CNOT2: variants seen among roughly 807,000 people sequenced by gnomAD.
CNOT2 encodes the protein CC chemokine receptor 4-negative regulator of transcription 2.
In CNOT2, 7 loss-of-function variants were observed where a neutral mutation model predicts 72.1. The ratio of observed to expected loss-of-function variants is 0.10; its 90% CI spans 0.06 to 0.18. CNOT2 has a LOEUF of 0.18. Ranked by LOEUF, CNOT2 falls within the 10% of genes least tolerant of loss-of-function variation. CNOT2 has a pLI of 1.00. For missense variants in CNOT2, 345 were observed against 660.3 expected (o/e 0.52, Z 5.23); for synonymous variants, 196 against 225.6 (o/e 0.87, Z 1.17).
chr12:70,310,249 G>T (rs1003075177), intron 2 of CNOT2, among the ~76,000 whole-genome samples: 3 of 151,984 alleles, frequency 2.0e-5, no homozygotes, highest in African/African-American at 7.2e-5. Context: ...ATTTATGTTG[G>T]TGTGAGCTCA....
In CNOT2 at chr12:70,249,206, T is replaced by A. The variant is rs143812656; in HGVS notation, c.-96+5726T>A. 4.3e-3 allele frequency among the ~76,000 whole-genome samples: 658 copies of A among 152,098 alleles called. 1 individual carries two copies. Among genetic ancestry groups the A allele is most frequent in the African/African-American group, 0.015 (629 of 41,536 alleles). The stretch of plus-strand genomic sequence containing the variant: ...TCTACATTGTAAATTATAATGCCTA[T>A]CCTGCATACAAATTTTGTATTTAGT... On this transcript the variant is annotated intron_variant, in intron 1 of 15. Transcript: ENST00000229195.
intron 4 of CNOT2, chr12:70,322,611 C>G (rs1432024920): frequency 6.6e-6 from 1 of 151,686 alleles, no homozygotes; most frequent in Non-Finnish European, 1.5e-5. Context: ...ACCCAGGCAT[C>G]TAGATGGAAG....
At chr12:70,260,848 A>G (rs1048808230) in intron 1 of CNOT2, among the ~76,000 whole-genome samples, 1 of 135,612 alleles carries the variant, frequency 7.4e-6, no homozygotes, top group Non-Finnish European at 1.6e-5. Flanking sequence ...ATCCAGATGC[A>G]TTCTATTTTT....
At chr12:70,302,795 T>C (rs1874321544) in intron 2 of CNOT2, among the ~76,000 whole-genome samples, 1 of 152,192 alleles carries the variant, frequency 6.6e-6, no homozygotes, top group African/African-American at 2.4e-5. Flanking sequence ...CTCGTTGATC[T>C]GTCTAATGTT....
Position 70,304,382 on chromosome 12 carries a change from T to A in CNOT2, c.49-6513T>A, listed in dbSNP as rs181898850. ...TGGTGACGTACAGGTGGGTTTTTGG[T>A]GTGGATGTCCTTTCTGTTTGTTAGT... On this transcript the variant is annotated intron_variant, in intron 2 of 15. Transcript: ENST00000229195. Among the ~76,000 whole-genome samples, 35 of 152,320 alleles carry A rather than the reference T, an allele frequency of 2.3e-4. No individual in the cohort carries two copies. In the East Asian group the frequency reaches 5.8e-3, roughly 25 times the overall value.
chr12:70,324,957 T>C (rs1878857026), intron 4 of CNOT2, among the ~76,000 whole-genome samples: 1 of 151,808 alleles, frequency 6.6e-6, no homozygotes, highest in Non-Finnish European at 1.5e-5. Flanking sequence ...TCCAGGAAAA[T>C]TTTTCTGCTT....
intron 3 of CNOT2, among the ~76,000 whole-genome samples, chr12:70,311,619 C>T (rs1876474935): frequency 6.6e-6 from 1 of 151,930 alleles, no homozygotes; most frequent in African/African-American, 2.4e-5. Context: ...ATTTAGAATG[C>T]AACCAAGTCA....
At chr12:70,292,004 A>C (rs1251792553) in intron 2 of CNOT2, among the ~76,000 whole-genome samples, 2 of 152,178 alleles carry the variant, frequency 1.3e-5, no homozygotes, top group African/African-American at 4.8e-5. Context: ...TGAATGCTAT[A>C]AGGAGTGGAC....
intron 1 of CNOT2, among the ~76,000 whole-genome samples, chr12:70,266,673 C>A (rs1959060822): frequency 6.6e-6 from 1 of 151,978 alleles, no homozygotes. Context: ...GTAAGTTGGC[C>A]TTTTTATCAT....
chr12:70,257,032 TA>T (rs1396128245), intron 1 of CNOT2, among the ~76,000 whole-genome samples: 1 of 149,930 alleles, frequency 6.7e-6, no homozygotes, highest in Non-Finnish European at 1.5e-5. Context: ...TTGAACATTT[TA>T]TTTTTTTTTT....
intron 2 of CNOT2, among the ~76,000 whole-genome samples, chr12:70,280,047 A>G (rs1209218258): frequency 6.6e-6 from 1 of 152,196 alleles, no homozygotes; most frequent in Non-Finnish European, 1.5e-5. Context: ...TGTTACATGT[A>G]TAGAATGTCT....
intron 2 of CNOT2, among the ~76,000 whole-genome samples, chr12:70,281,084 CTT>C (rs200263074): frequency 0.011 from 1,516 of 141,042 alleles, 69 homozygotes; most frequent in Admixed American, 0.087. Flanking sequence ...ATGGCTTTCC[CTT>C]TTTTTTTTTT....
In CNOT2 at chr12:70,344,237, A is replaced by G. The variant is rs756816505; in HGVS notation, c.1391+9A>G. On this transcript the variant is annotated intron_variant, in intron 14 of 15. Transcript: ENST00000229195. ...TTAGCTGCAGTGGAGCTGTATGTTC[A>G]AAGTATTTTAATCACTTTTGTATTA... The G allele has an allele frequency of 4.6e-5, 70 of 1,533,928 alleles. No individual in the cohort carries two copies. Among genetic ancestry groups the G allele is most frequent in the Non-Finnish European group, 6.1e-5 (68 of 1,107,876 alleles).
intron 2 of CNOT2, among the ~76,000 whole-genome samples, chr12:70,296,290 A>C (rs1872778463): frequency 6.6e-6 from 1 of 152,140 alleles, no homozygotes; most frequent in African/African-American, 2.4e-5. Context: ...ACTCTCCAAA[A>C]TAGTGATTGT....
At chr12:70,278,507 A>T (rs143152073) in intron 2 of CNOT2, 2 of 430,868 alleles carry the variant, frequency 4.6e-6, no homozygotes, top group Admixed American at 4.1e-5. Context: ...GTTTTCTGAG[A>T]TATTTGTCAA....
intron 1 of CNOT2, among the ~76,000 whole-genome samples, chr12:70,269,362 C>G (rs973277573): frequency 6.7e-6 from 1 of 148,372 alleles, no homozygotes; most frequent in African/African-American, 2.5e-5. Flanking sequence ...CTGTGATATT[C>G]TCATCCAGAG....
intron 3 of CNOT2, among the ~76,000 whole-genome samples, chr12:70,318,218 T>G (rs1877679767): frequency 6.6e-6 from 1 of 152,000 alleles, no homozygotes; most frequent in Admixed American, 6.6e-5. Context: ...TTTTTATTGC[T>G]ATAGTTGGTA....
At chr12:70,336,640 T>C (rs1445557523) in intron 8 of CNOT2, 2 of 145,920 alleles carry the variant, frequency 1.4e-5, no homozygotes, top group African/African-American at 2.5e-5. Flanking sequence ...CTCCCCAAAA[T>C]AAAAAAAAAA....
intron 3 of CNOT2, 48 bp from the exon 4 acceptor site, chr12:70,319,250 G>A (rs768322609): frequency 1.3e-6 from 2 of 1,522,854 alleles, no homozygotes; most frequent in South Asian, 2.3e-5. Context: ...TAAATGCAAT[G>A]CTCTGCTCTG....
Sources: allele counts gnomAD v4.1 joint callset (sites outside exome capture counted in the v4.1 genomes callset), GRCh38; gene constraint gnomAD v4.1.1; transcripts MANE v1.5; gene names NCBI Gene and HGNC (gene_info 2026-07-23, HGNC 2026-07-21).